The following COX10 variants were observed in gnomAD, a reference collection of about 807,000 sequenced individuals.
The protein encoded by COX10 is protoheme IX farnesyltransferase, mitochondrial.
A neutral mutation model predicts 37.3 loss-of-function variants in COX10; 27 were observed. The observed-to-expected ratio is 0.72, with a 90% CI of 0.53 to 1.00. The LOEUF (loss-of-function observed/expected upper bound fraction) is 1.00. COX10 is among the 50% of genes least tolerant of loss of function. COX10 has a pLI of 0.00. For synonymous variants in COX10, 222 were observed against 229.1 expected, an observed-to-expected ratio of 0.97 and a Z score of 0.28; for missense variants, 475 against 563.2, an observed-to-expected ratio of 0.84 and a Z score of 1.59.
intron 4 of COX10, among the ~76,000 whole-genome samples, chr17:14,129,617 C>G (rs77824253): frequency 0.02 from 3,002 of 152,268 alleles, 54 homozygotes; most frequent in Middle Eastern, 0.037. Context: ...TTGACTGTTT[C>G]ATTAAGGCCC....
chr17:14,191,218 T>A (rs1459795721), intron 5 of COX10, among the ~76,000 whole-genome samples: 1 of 151,952 alleles, frequency 6.6e-6, no homozygotes, highest in Admixed American at 6.6e-5. Flanking sequence ...TTGGCTCTTT[T>A]GAGAAACAGG....
intron 4 of COX10, among the ~76,000 whole-genome samples, chr17:14,122,629 A>G (rs1278667443): frequency 6.6e-6 from 1 of 152,038 alleles, no homozygotes; most frequent in Non-Finnish European, 1.5e-5. Context: ...AAGGAGAAAA[A>G]TGCCCTTGTC....
At chr17:14,155,572 G>A (rs764471016) in intron 4 of COX10, among the ~76,000 whole-genome samples, 12 of 151,934 alleles carry the variant, frequency 7.9e-5, no homozygotes, top group Non-Finnish European at 1.5e-4. Context: ...AAAATTAGCC[G>A]AGTGTGGTGG....
chr17:14,202,140 T>G (rs1381949506), intron 6 of COX10, among the ~76,000 whole-genome samples: 1 of 152,014 alleles, frequency 6.6e-6, no homozygotes, highest in Non-Finnish European at 1.5e-5. Flanking sequence ...ATTTTTTCTT[T>G]CAGCAAGCCT....
intron 5 of COX10, among the ~76,000 whole-genome samples, chr17:14,189,397 G>A (rs1255808086): frequency 6.6e-6 from 1 of 152,126 alleles, no homozygotes; most frequent in African/African-American, 2.4e-5. Flanking sequence ...AACATCATCT[G>A]TTCTTAAACA....
chr17:14,160,706 T>A (rs1567604759), intron 5 of COX10, among the ~76,000 whole-genome samples: 3 of 152,212 alleles, frequency 2.0e-5, no homozygotes, highest in African/African-American at 7.2e-5. Context: ...TGCAGTCAGA[T>A]TAATCTATGC....
intron 2 of COX10, among the ~76,000 whole-genome samples, chr17:14,075,115 AT>A (rs1915111956): frequency 6.6e-6 from 1 of 152,192 alleles, no homozygotes; most frequent in African/African-American, 2.4e-5. Context: ...CAGACTTATA[AT>A]TTAAAGTCCT....
chr17:14,073,312 T>A (rs1428329568), intron 1 of COX10, among the ~76,000 whole-genome samples: 1 of 152,174 alleles, frequency 6.6e-6, no homozygotes, highest in Non-Finnish European at 1.5e-5. Flanking sequence ...CAGAGTAGAT[T>A]GGACTTGATG....
At chr17:14,170,103 C>T (rs1392017378) in intron 5 of COX10, among the ~76,000 whole-genome samples, 5 of 152,170 alleles carry the variant, frequency 3.3e-5, no homozygotes, top group African/African-American at 1.2e-4. Flanking sequence ...GAAGCCAGAG[C>T]CATGCCCTTG....
chr17:14,124,728 C>T (rs1273249253), intron 4 of COX10, among the ~76,000 whole-genome samples: 1 of 152,120 alleles, frequency 6.6e-6, no homozygotes, highest in East Asian at 1.9e-4. Context: ...TTCAGCTAAC[C>T]GTGCTTTCCT....
chr17:14,195,037 A>G (rs193247905), intron 6 of COX10, among the ~76,000 whole-genome samples: 1 of 152,364 alleles, frequency 6.6e-6, no homozygotes, highest in African/African-American at 2.4e-5. Flanking sequence ...CACAGTAACA[A>G]CATGACTTAC....
intron 6 of COX10, among the ~76,000 whole-genome samples, chr17:14,200,727 G>A (rs980440285): frequency 3.9e-5 from 6 of 152,230 alleles, no homozygotes; most frequent in African/African-American, 1.4e-4. Flanking sequence ...ATTAACAGAA[G>A]AGAAGTGGAC....
At chr17:14,130,780 G>A (rs1009991983) in intron 4 of COX10, among the ~76,000 whole-genome samples, 4 of 151,738 alleles carry the variant, frequency 2.6e-5, no homozygotes, top group African/African-American at 7.3e-5. Context: ...CTTTGCTTTT[G>A]TTTCCTCCTG....
At chr17:14,184,282 A>T (rs1905957934) in intron 5 of COX10, among the ~76,000 whole-genome samples, 1 of 152,184 alleles carries the variant, frequency 6.6e-6, no homozygotes, top group Non-Finnish European at 1.5e-5. Context: ...AGGTTAAATA[A>T]GTTACCCACT....
At chr17:14,131,315 C>A (rs1432752531) in intron 4 of COX10, among the ~76,000 whole-genome samples, 3 of 151,836 alleles carry the variant, frequency 2.0e-5, no homozygotes, top group African/African-American at 7.3e-5. Context: ...TGAGGTAGTT[C>A]TATCTGTATA....
intron 6 of COX10, among the ~76,000 whole-genome samples, chr17:14,203,991 T>G (rs1410336220): frequency 6.6e-6 from 1 of 152,082 alleles, no homozygotes; most frequent in Admixed American, 6.5e-5. Flanking sequence ...AAGGAGAAGA[T>G]AGACAGAATC....
chr17:14,166,609 G>A (rs1905289257), intron 5 of COX10, among the ~76,000 whole-genome samples: 1 of 131,042 alleles, frequency 7.6e-6, no homozygotes. Context: ...GAGTCAATTC[G>A]ACCTTTTTTT....
chr17:14,072,474 G>T (rs75111748), intron 1 of COX10, among the ~76,000 whole-genome samples: 10,324 of 152,016 alleles, frequency 0.068, 391 homozygotes, highest in Non-Finnish European at 0.074. Context: ...CCCAACCTTG[G>T]CCTCCCAAGT....
intron 4 of COX10, among the ~76,000 whole-genome samples, chr17:14,155,199 A>G (rs1186911933): frequency 6.6e-6 from 1 of 152,164 alleles, no homozygotes; most frequent in Admixed American, 6.5e-5. Context: ...GATTCTAAAG[A>G]TTTTGACATG....
Sources: gnomAD v4.1 joint callset for allele counts (sites outside exome capture counted in the v4.1 genomes callset) on GRCh38, gnomAD v4.1.1 for gene constraint, MANE v1.5 for transcripts, NCBI Gene and HGNC (gene_info 2026-07-23, HGNC 2026-07-21) for gene names.